Variants in TG observed in about 807,000 individuals in gnomAD.
TG encodes thyroid hormones.
A neutral mutation model predicts 324.7 loss-of-function variants in TG; 270 were observed. The ratio of observed to expected loss-of-function variants is 0.83; its 90% CI spans 0.75 to 0.92. The LOEUF (loss-of-function observed/expected upper bound fraction) is 0.92, where lower values mean the gene tolerates loss of function less well. TG is among the 40% of genes least tolerant of loss of function. TG has a pLI of 0.00. For missense variants in TG, 3,591 were observed against 3,456.4 expected (o/e 1.04, Z -0.98); for synonymous variants, 1,401 against 1,327.0 (o/e 1.06, Z -1.21).
At chr8:133,062,865 G>A (rs1052369531) in intron 41 of TG, among the ~76,000 whole-genome samples, 2 of 152,140 alleles carry the variant, frequency 1.3e-5, no homozygotes, top group Non-Finnish European at 1.5e-5. Context: ...CAGGTCTCAG[G>A]AAGCATGTGT....
At position 132,886,439 on chromosome 8, in the gene TG, C is replaced by G; in HGVS notation, c.1076-9C>G. The G allele has an allele frequency of 1.9e-6, 3 of 1,614,128 alleles. No individual in the cohort carries two copies. Among genetic ancestry groups the G allele is most frequent in the Non-Finnish European group, 2.5e-6 (3 of 1,180,006 alleles). ...AACCTTTTCTCCCATTTCACTTTGTCTCATGCAGCTGAAGGCCAATCTTGT... is the reference window on the plus strand; with the variant it reads ...AACCTTTTCTCCCATTTCACTTTGTGTCATGCAGCTGAAGGCCAATCTTGT... On this transcript the variant is annotated splice_polypyrimidine_tract_variant and intron_variant, in intron 8 of 47. Coordinates refer to ENST00000220616, the MANE Select transcript of TG (RefSeq NM_003235.5).
At position 132,935,685 on chromosome 8, in the gene TG, T is replaced by G. The variant is rs576916810; in HGVS notation, c.4933-71T>G. ...CCCTGGTGCCTAGCCATGGTTAGGG[T>G]TGGATGAATGTTTGTTGGATTGAAT... On this transcript the variant is annotated intron_variant, in intron 24 of 47. Transcript: ENST00000220616. 9.4e-6 allele frequency: 13 copies of G among 1,386,912 alleles called. No homozygotes were observed. In the African/African-American group the frequency reaches 1.7e-4, roughly 18 times the overall value. The allele number at this position is 1,386,912 out of a possible 1,614,324, so 85.9% of individuals were successfully genotyped here.
At position 132,888,224 on chromosome 8, in the gene TG, T is replaced by A. The variant is rs1233477967; in HGVS notation, c.2417T>A (p.Ile806Asn). The change falls in exon 10 of 48, where the codon ATC (isoleucine) becomes AAC (asparagine). Residue 806 changes from isoleucine (I) to asparagine (N), a missense_variant. Transcript: ENST00000220616. ...DLTPAKLLVK[I>N]MSYREAASGN... ...ACGCCTGCCAAGCTGCTAGTGAAGA[T>A]CATGAGCTACAGAGAAGCAGCTTCC... is the stretch of plus-strand genomic sequence containing the variant. The A allele has an allele frequency of 2.5e-6, 4 of 1,614,064 alleles. No individual in the cohort carries two copies. Among genetic ancestry groups the A allele is most frequent in the Non-Finnish European group, 2.5e-6 (3 of 1,180,032 alleles).
chr8:133,125,586 A>G (rs976085467), intron 45 of TG, among the ~76,000 whole-genome samples: 8 of 152,246 alleles, frequency 5.3e-5, no homozygotes, highest in Admixed American at 6.5e-5. Flanking sequence ...AGCAACCACA[A>G]CTGAAATGGT....
intron 26 of TG, among the ~76,000 whole-genome samples, chr8:132,946,427 T>A (rs1825305310): frequency 6.6e-6 from 1 of 152,196 alleles, no homozygotes; most frequent in African/African-American, 2.4e-5. Context: ...TTCTTTGAGA[T>A]ACACATAAAG....
chr8:133,067,890 GTATGGAAGGAAGGAAGGAAGGAAGGA>G (rs1564145670), intron 41 of TG, among the ~76,000 whole-genome samples: 8 of 30,418 alleles, frequency 2.6e-4, no homozygotes, highest in Non-Finnish European at 8.0e-4. Context: ...AAGGAAGTAT[GTATGGAAGGAAGGAAGGAAGGAAGGA>G]AAGAGAGAGA....
At chr8:133,106,145 G>T (rs1308850096) in intron 43 of TG, among the ~76,000 whole-genome samples, 5 of 152,190 alleles carry the variant, frequency 3.3e-5, no homozygotes, top group African/African-American at 1.2e-4. Context: ...GGTTTGCCCA[G>T]CGAGGGGCTC....
At chr8:132,897,610 A>G (rs1347132563) in intron 11 of TG, 39 bp from the exon 12 acceptor site, 2 of 1,613,790 alleles carry the variant, frequency 1.2e-6, no homozygotes, top group Admixed American at 3.3e-5. Flanking sequence ...CACACAGAGC[A>G]GGTGGTCATA....
At chr8:132,972,217 A>AC (rs1829623630) in intron 33 of TG, 4 of 449,206 alleles carry the variant, frequency 8.9e-6, no homozygotes, top group Admixed American at 7.0e-5. Flanking sequence ...TGATTCCCTT[A>AC]CTAGTGTGTG....
intron 41 of TG, among the ~76,000 whole-genome samples, chr8:133,052,466 G>A (rs1011829441): frequency 6.6e-6 from 1 of 152,180 alleles, no homozygotes; most frequent in Admixed American, 6.5e-5. Flanking sequence ...GTGTCGGGAC[G>A]TAAAAGGGCT....
Position 133,039,953 on chromosome 8 carries a change from G to GCACACA in TG, c.7239+9951_7239+9956dup, listed in dbSNP as rs3835182. 6,935 of 1,429,936 alleles carry GCACACA rather than the reference G, an allele frequency of 4.8e-3. 16 individuals are homozygous for GCACACA. The highest frequency in any genetic ancestry group is 0.018 in the African/African-American group (1,231 of 67,314). 88.6% of individuals were successfully genotyped at this position (1,429,936 alleles called of 1,614,324 possible). On this transcript the variant is annotated intron_variant, in intron 41 of 47. Transcript: ENST00000220616. ...TCACATGTTCACAGAGCACTTGCAT[G>GCACACA]CACACACACACACACACACACACAC...
intron 41 of TG, chr8:133,074,860 C>T: frequency 3.0e-6 from 3 of 985,644 alleles, no homozygotes; most frequent in Non-Finnish European, 3.6e-6. Context: ...TACCTTCACA[C>T]ACTGGGCATG....
At chr8:133,069,389 T>A (rs1843604055) in intron 41 of TG, among the ~76,000 whole-genome samples, 1 of 152,232 alleles carries the variant, frequency 6.6e-6, no homozygotes, top group Non-Finnish European at 1.5e-5. Flanking sequence ...TCCAGGGACA[T>A]GGACCCCAGA....
chr8:132,958,384 TATC>T (rs1827245535), intron 27 of TG, among the ~76,000 whole-genome samples: 1 of 94,964 alleles, frequency 1.1e-5, no homozygotes, highest in South Asian at 3.6e-4. Flanking sequence ...TCTATCTATC[TATC>T]TATCTTTAAA....
chr8:132,881,804 G>T lies in TG; in HGVS notation c.639-59G>T. 3.3e-6 allele frequency: 4 copies of T among 1,216,224 alleles called. No homozygotes were observed. The Admixed American group carries it at 6.7e-5, about 20-fold the overall frequency. The allele number at this position is 1,216,224 out of a possible 1,614,324, so 75.3% of individuals were successfully genotyped here. A position where few individuals can be genotyped will look rare whatever the true frequency, so the allele number is the denominator to read the frequency against. On this transcript the variant is annotated intron_variant, in intron 5 of 47. Transcript: ENST00000220616. ...GACTTGGCCACATTTATTTCTACAG[G>T]AAAAGCTTGTGATGACTTGCCTTTA...
At chr8:133,002,297 G>A in intron 35 of TG, 1 of 985,328 alleles carries the variant, frequency 1.0e-6, no homozygotes, top group East Asian at 1.1e-4. Flanking sequence ...AATTTTTTGG[G>A]CAATTTTTAA....
chr8:133,002,431 A>C, intron 35 of TG: 1 of 984,484 alleles, frequency 1.0e-6, no homozygotes, highest in Non-Finnish European at 1.2e-6. Context: ...AAGCCGCCTC[A>C]CATCTTTCAG....
chr8:132,935,779 A>G lies in TG; in HGVS notation c.4956A>G (p.Ser1652=). ...AGAAACGAGATGCACTGGGGAACTC[A>G]AAGGCCACCAGCTTTGGAAGTCTTC... ...SDQKRDALGN[S]KATSFGSLRC... Residue 1652 remains serine (S), a synonymous_variant, in exon 25 of 48, where the codon TCA becomes TCG. Transcript: ENST00000220616. 6.2e-7 allele frequency: 1 copy of G among 1,613,010 alleles called. No individual in the cohort carries two copies. Among genetic ancestry groups the G allele is most frequent in the East Asian group, 2.2e-5 (1 of 44,882 alleles).
At chr8:132,896,695 C>G (rs74822959) in intron 11 of TG, among the ~76,000 whole-genome samples, 4,747 of 152,298 alleles carry the variant, frequency 0.031, 182 homozygotes, top group East Asian at 0.087. Context: ...TCCTCTCCCC[C>G]TCATGCATTC....
Sources: gnomAD v4.1 joint callset for allele counts (sites outside exome capture counted in the v4.1 genomes callset) on GRCh38, gnomAD v4.1.1 for gene constraint, MANE v1.5 for transcripts, NCBI Gene and HGNC (gene_info 2026-07-23, HGNC 2026-07-21) for gene names.